Variants in MGMT observed in about 807,000 individuals in gnomAD.
The protein encoded by MGMT is methylated-DNA--protein-cysteine methyltransferase.
A neutral mutation model predicts 15.9 loss-of-function variants in MGMT; 14 were observed. The ratio of observed to expected loss-of-function variants is 0.88; its 90% CI spans 0.58 to 1.37. MGMT has a LOEUF of 1.37. MGMT is among the 40% of genes most tolerant of loss of function. MGMT has a pLI of 0.00. For synonymous variants in MGMT, 130 were observed against 118.2 expected (o/e 1.10, Z -0.65); for missense variants, 282 against 268.1 (o/e 1.05, Z -0.36).
intron 1 of MGMT, among the ~76,000 whole-genome samples, chr10:129,520,983 C>T (rs992832827): frequency 6.6e-6 from 1 of 151,060 alleles, no homozygotes; most frequent in Non-Finnish European, 1.5e-5. Context: ...GGGTGCAGAG[C>T]CCCTACGGTG....
Position 129,735,169 on chromosome 10 carries a change from C to T in MGMT, c.275-24033C>T, listed in dbSNP as rs545209971. On this transcript the variant is annotated intron_variant, in intron 3 of 4. Transcript: ENST00000651593. ...TCCTCCTTGTACCTCTGGTAGAATT[C>T]GGCTGTGAATCCATCTGGTCCTGGA... Among the ~76,000 whole-genome samples, 74 of 152,250 alleles carry T rather than the reference C, an allele frequency of 4.9e-4. No homozygotes were observed. The South Asian group carries it at 7.0e-3, about 15-fold the overall frequency.
chr10:129,524,698 T>C (rs1845850131), intron 1 of MGMT, among the ~76,000 whole-genome samples: 1 of 148,978 alleles, frequency 6.7e-6, no homozygotes, highest in Non-Finnish European at 1.5e-5. Context: ...TTCACGCCAT[T>C]CTCCTGCCTC....
intron 3 of MGMT, among the ~76,000 whole-genome samples, chr10:129,723,626 AAC>A (rs1378690749): frequency 6.6e-6 from 1 of 152,234 alleles, no homozygotes; most frequent in Non-Finnish European, 1.5e-5. Context: ...ATTTTTACAA[AAC>A]ACATATCTGA....
At chr10:129,712,062 T>C (rs902695622) in intron 3 of MGMT, among the ~76,000 whole-genome samples, 2 of 152,186 alleles carry the variant, frequency 1.3e-5, no homozygotes, top group African/African-American at 4.8e-5. Context: ...TACAATGAGT[T>C]CAAGAAAAGC....
intron 1 of MGMT, among the ~76,000 whole-genome samples, chr10:129,478,067 C>A (rs1416355752): frequency 1.3e-5 from 2 of 152,156 alleles, no homozygotes; most frequent in Non-Finnish European, 2.9e-5. Context: ...AGCCAGCAGA[C>A]CATGGAAAGG....
intron 3 of MGMT, among the ~76,000 whole-genome samples, chr10:129,709,417 G>T (rs1424819466): frequency 6.6e-6 from 1 of 152,198 alleles, no homozygotes; most frequent in Non-Finnish European, 1.5e-5. Context: ...GGAAGTCAGA[G>T]ATTGGTTTTG....
chr10:129,730,297 C>T (rs1346478291), intron 3 of MGMT, among the ~76,000 whole-genome samples: 1 of 152,144 alleles, frequency 6.6e-6, no homozygotes, highest in Non-Finnish European at 1.5e-5. Flanking sequence ...GATGCTGGCC[C>T]TAATGACTCT....
At position 129,566,734 on chromosome 10, in the gene MGMT, A is replaced by C. The variant is rs1023046672; in HGVS notation, c.125+30357A>C. 1.3e-5 allele frequency among the ~76,000 whole-genome samples: 2 copies of C among 151,968 alleles called. No homozygotes were observed. Among genetic ancestry groups the C allele is most frequent in the African/African-American group, 4.8e-5 (2 of 41,382 alleles). ...GGAGGGTCTGGGACTTTTCTCTCGGAGGCCCCATGAAGTTGGTATTCCTCA... is the reference window on the plus strand; with the variant it reads ...GGAGGGTCTGGGACTTTTCTCTCGGCGGCCCCATGAAGTTGGTATTCCTCA... On this transcript the variant is annotated intron_variant, in intron 2 of 4. Coordinates refer to ENST00000651593, the MANE Select transcript of MGMT (RefSeq NM_002412.5). This position sits in a 1 kb window ranked among gnomAD's most constrained non-coding sequence, Gnocchi z 4.1.
chr10:129,536,531 G>C, intron 2 of MGMT, 154 bp downstream of exon 2: 1 of 894,982 alleles, frequency 1.1e-6, no homozygotes, highest in Non-Finnish European at 1.6e-6. Context: ...ACAGTGTGCT[G>C]CGACGGCTCC....
intron 1 of MGMT, among the ~76,000 whole-genome samples, chr10:129,496,774 A>G (rs562047538): frequency 6.6e-6 from 1 of 152,316 alleles, no homozygotes; most frequent in African/African-American, 2.4e-5. Context: ...TTCATTCATC[A>G]TCTATACCTT....
At chr10:129,730,178 G>A (rs1179295816) in intron 3 of MGMT, among the ~76,000 whole-genome samples, 2 of 152,092 alleles carry the variant, frequency 1.3e-5, no homozygotes, top group African/African-American at 2.4e-5. Flanking sequence ...TAGGTTCTTT[G>A]GGGAGGTCAG....
chr10:129,766,972 G>A lies in MGMT; in HGVS notation c.599G>A (p.Gly200Asp). The change falls in exon 5 of 5, where the codon GGC (glycine) becomes GAC (aspartate). Residue 200 changes from glycine to aspartate, a missense_variant. By Grantham distance (94) the Gly-to-Asp change is moderately conservative (BLOSUM62 -1). Coordinates refer to ENST00000651593, the MANE Select transcript of MGMT (RefSeq NM_002412.5). Reference protein sequence around the residue: ...AWLKGAGATSGSPPAGRN With the variant: ...AWLKGAGATSDSPPAGRN ...CTCAAGGGAGCGGGAGCTACCTCGG[G>A]CTCCCCGCCTGCTGGCCGAAACTGA... 3 of 1,606,010 alleles carry A rather than the reference G, an allele frequency of 1.9e-6. No individual in the cohort carries two copies. Among genetic ancestry groups the A allele is most frequent in the Non-Finnish European group, 1.7e-6 (2 of 1,176,002 alleles).
At position 129,694,462 on chromosome 10, in the gene MGMT, A is replaced by G. The variant is rs151225383; in HGVS notation, c.126-13433A>G. On this transcript the variant is annotated intron_variant, in intron 2 of 4. Transcript: ENST00000651593. Reference sequence around the variant, plus strand: ...GCATGACAGCCTCCCAGAGGGCTGTATTGATTTTTGAAGAGGAGGAAAAAG... The same window carrying G: ...GCATGACAGCCTCCCAGAGGGCTGTGTTGATTTTTGAAGAGGAGGAAAAAG... 134 of 152,312 alleles carry G rather than the reference A, an allele frequency of 8.8e-4. 2 individuals carry two copies. The highest frequency in any genetic ancestry group is 3.2e-3 in the African/African-American group (131 of 41,562). 9.4% of individuals were successfully genotyped at this position (152,312 alleles called of 1,614,324 possible).
chr10:129,545,461 A>C (rs184048492), intron 2 of MGMT, among the ~76,000 whole-genome samples: 5 of 152,230 alleles, frequency 3.3e-5, no homozygotes, highest in Admixed American at 3.3e-4. Context: ...CACATGAGTC[A>C]TTGTAAAGTT....
At chr10:129,720,905 C>T (rs952239630) in intron 3 of MGMT, among the ~76,000 whole-genome samples, 3 of 151,424 alleles carry the variant, frequency 2.0e-5, no homozygotes, top group African/African-American at 7.3e-5. Flanking sequence ...TGGGTCTCTC[C>T]TCTTCCCTCT....
At chr10:129,612,979 C>G (rs2133069486) in intron 2 of MGMT, among the ~76,000 whole-genome samples, 1 of 152,240 alleles carries the variant, frequency 6.6e-6, no homozygotes, top group African/African-American at 2.4e-5. Flanking sequence ...AAATCAGTTA[C>G]TCACCATGTT....
At chr10:129,602,050 A>G (rs1230328127) in intron 2 of MGMT, among the ~76,000 whole-genome samples, 1 of 152,186 alleles carries the variant, frequency 6.6e-6, no homozygotes, top group Non-Finnish European at 1.5e-5. Flanking sequence ...GTTAAATCTC[A>G]GCTTTCCCCA....
At chr10:129,684,887 A>C (rs571558041) in intron 2 of MGMT, among the ~76,000 whole-genome samples, 3 of 152,374 alleles carry the variant, frequency 2.0e-5, no homozygotes, top group Middle Eastern at 6.8e-3. Flanking sequence ...GGCGAGAGAC[A>C]TCCGGGAGAT....
chr10:129,640,445 A>C (rs1259412943), intron 2 of MGMT, among the ~76,000 whole-genome samples: 2 of 152,236 alleles, frequency 1.3e-5, no homozygotes, highest in African/African-American at 4.8e-5. Context: ...TCAAGAAGAA[A>C]TAGTCTTAAA....
Sources: gnomAD v4.1 joint callset for allele counts (sites outside exome capture counted in the v4.1 genomes callset) on GRCh38, gnomAD v4.1.1 for gene constraint, Gnocchi (gnomAD v3.1) non-coding constraint, MANE v1.5 for transcripts, NCBI Gene and HGNC (gene_info 2026-07-23, HGNC 2026-07-21) for gene names.